SART3: variants seen among roughly 807,000 people sequenced by gnomAD.
SART3 encodes HIV-1 Tat-interacting protein of 110kDa.
A neutral mutation model predicts 122.3 loss-of-function variants in SART3; 44 were observed. The observed-to-expected ratio is 0.36, with a 90% CI of 0.28 to 0.46. The LOEUF (loss-of-function observed/expected upper bound fraction) is 0.46. Ranked by LOEUF, SART3 falls within the 20% of genes least tolerant of loss-of-function variation. SART3 has a pLI of 1.00. For synonymous variants in SART3, 442 were observed against 454.0 expected, an observed-to-expected ratio of 0.97 and a Z score of 0.34; for missense variants, 1,101 against 1,229.0, an observed-to-expected ratio of 0.90 and a Z score of 1.56.
At chr12:108,537,984 T>C in intron 8 of SART3, 81 bp downstream of exon 8, 3 of 1,573,246 alleles carry the variant, frequency 1.9e-6, no homozygotes, top group Non-Finnish European at 2.6e-6. Context: ...CAGGGAACAC[T>C]GATGTAATGA....
At chr12:108,524,770 G>T (rs1164165157) in intron 17 of SART3, 2 of 545,666 alleles carry the variant, frequency 3.7e-6, no homozygotes, top group African/African-American at 3.8e-5. Context: ...TGCTGCAGAA[G>T]TAGAAAGAAA....
chr12:108,537,094 CATG>C, intron 9 of SART3: 1 of 458,430 alleles, frequency 2.2e-6, no homozygotes. Flanking sequence ...TGACAGCTGA[CATG>C]AGTGTGCAAG....
intron 15 of SART3, among the ~76,000 whole-genome samples, chr12:108,529,219 G>T (rs1872535045): frequency 6.6e-6 from 1 of 152,218 alleles, no homozygotes; most frequent in African/African-American, 2.4e-5. Context: ...GGAGGTATTG[G>T]TGTGAAATCA....
intron 3 of SART3, among the ~76,000 whole-genome samples, chr12:108,545,977 AAAAAAAAC>A (rs1873396443): frequency 6.6e-6 from 1 of 151,678 alleles, no homozygotes; most frequent in Non-Finnish European, 1.5e-5. Flanking sequence ...CAAAAAAAAA[AAAAAAAAC>A]ACACATATAA....
At position 108,535,468 on chromosome 12, in the gene SART3, C is replaced by A. The variant is rs1872864193; in HGVS notation, c.1447G>T (p.Ala483Ser). 1 of 1,613,546 alleles carries A rather than the reference C, an allele frequency of 6.2e-7. No individual in the cohort carries two copies. Residue 483 changes from alanine (A) to serine (S), a missense_variant and splice_region_variant, in exon 12 of 19, where the codon GCT (alanine) becomes TCT (serine). Ala to Ser is a moderately conservative substitution (Grantham distance 99). Transcript: ENST00000546815. ...TTCTGCATGTTATTGCACAGTCGAG[C>A]CTAAAGTGCATCAGCAGGCTGTTAG... ...VIMQNWARIE[A>S]RLCNNMQKAR...
At chr12:108,535,034 T>C (rs149160292) in intron 12 of SART3, among the ~76,000 whole-genome samples, 43 of 152,354 alleles carry the variant, frequency 2.8e-4, no homozygotes, top group African/African-American at 9.6e-4. Context: ...TTTTTTTCTC[T>C]TAGCTTTTTA....
rs767357985 is a variant in SART3 at position 108,537,588 on chromosome 12, G to A, written c.1209C>T (p.Phe403=). The A allele has an allele frequency of 1.5e-5, 24 of 1,613,682 alleles. No homozygotes were observed. The highest frequency in any genetic ancestry group is 4.0e-5 in the African/African-American group (3 of 74,896). Residue 403 remains phenylalanine, a synonymous_variant, in exon 9 of 19, where the codon TTC becomes TTT. Transcript: ENST00000546815. ...GVDHQVISVT[F]EKALNAGFIQ... ...TGAAGCCGGCATTCAAAGCTTTCTC[G>A]AAGGTTACTGGAGTTGGAGAAAAGT...
At position 108,526,394 on chromosome 12, in the gene SART3, A is replaced by G. The variant is rs747365670; in HGVS notation, c.2075T>C (p.Met692Thr). ...GCTGCTGTCGTGCAGCACCTTGGGC[A>G]TGTCCCTCTTCAGGGAGGCTGCCTT... Reference protein sequence around the residue: ...KEKAASLKRDMPKVLHDSSKD... With the variant: ...KEKAASLKRDTPKVLHDSSKD... Residue 692 changes from methionine to threonine, a missense_variant, in exon 16 of 19, where the codon ATG (methionine) becomes ACG (threonine). Coordinates refer to ENST00000546815, the MANE Select transcript of SART3 (RefSeq NM_014706.4). 3 of 1,613,956 alleles carry G rather than the reference A, an allele frequency of 1.9e-6. No homozygotes were observed. Among genetic ancestry groups the G allele is most frequent in the Admixed American group, 1.7e-5 (1 of 59,994 alleles).
At position 108,547,920 on chromosome 12, in the gene SART3, C is replaced by A. The variant is rs777283260; in HGVS notation, c.511G>T (p.Asp171Tyr). 1.2e-6 allele frequency: 2 copies of A among 1,613,614 alleles called. No homozygotes were observed. The highest frequency in any genetic ancestry group is 2.2e-5 in the South Asian group (2 of 91,070). Residue 171 changes from aspartate (D) to tyrosine (Y), a missense_variant, in exon 3 of 19, where the codon GAC becomes TAC. Physicochemically the swap from Asp to Tyr is radical, Grantham distance 160 (BLOSUM62 -3). This residue lies in a region of SART3 where 885 missense variants were observed against 1,080.1 expected (regional missense o/e 0.82). Transcript: ENST00000546815. ...TCCTTCACGGCTTTCTCAAAGAGGT[C>A]ATACACGTGCTCTCTGTCCAGGCCA... ...QDGLDREHVY[D>Y]LFEKAVKDYI...
intron 1 of SART3, among the ~76,000 whole-genome samples, chr12:108,556,463 C>T (rs1338762602): frequency 6.6e-6 from 1 of 152,150 alleles, no homozygotes; most frequent in Non-Finnish European, 1.5e-5. Context: ...AGATAATAAT[C>T]AATTACAGAT....
chr12:108,525,661 C>G (rs1437769025), intron 16 of SART3, 52 bp from the exon 17 acceptor site: 1 of 1,572,326 alleles, frequency 6.4e-7, no homozygotes, highest in South Asian at 1.1e-5. Context: ...CATGACCCAG[C>G]TCACCTGACT....
rs1307592320 is a variant in SART3, at chr12:108,536,519, T to C, written c.1441A>G (p.Ile481Val). ...GATGTGTCAAAAACATTTACCTCAA[T>C]CCTAGCCCAGTTCTGCATAATCACG... is the stretch of plus-strand genomic sequence containing the variant. Reference protein sequence around the residue: ...SCVIMQNWARIEARLCNNMQK... With the variant: ...SCVIMQNWARVEARLCNNMQK... The change falls in exon 11 of 19, where the codon ATT becomes GTT. Residue 481 changes from isoleucine (I) to valine (V), a missense_variant. By Grantham distance (29) the Ile-to-Val change is conservative. This residue lies in a region of SART3 where 885 missense variants were observed against 1,080.1 expected (regional missense o/e 0.82). Transcript: ENST00000546815. 5.6e-6 allele frequency: 9 copies of C among 1,614,110 alleles called. No homozygotes were observed. The highest frequency in any genetic ancestry group is 6.8e-6 in the Non-Finnish European group (8 of 1,179,984).
At chr12:108,544,040 G>A (rs1873290488) in intron 5 of SART3, among the ~76,000 whole-genome samples, 1 of 152,204 alleles carries the variant, frequency 6.6e-6, no homozygotes, top group Non-Finnish European at 1.5e-5. Flanking sequence ...CTGCTGTTAT[G>A]GAAGAGGTTA....
At chr12:108,544,312 G>T (rs1592768283) in intron 5 of SART3, 115 bp downstream of exon 5, 2 of 919,102 alleles carry the variant, frequency 2.2e-6, no homozygotes, top group East Asian at 4.8e-5. Flanking sequence ...AGGAGAGTAA[G>T]AACACCAGCT....
rs953857100 is a variant in SART3, at chr12:108,526,908, C to G, written c.1916-355G>C. Among the ~76,000 whole-genome samples the G allele has an allele frequency of 2.0e-5, 3 of 152,344 alleles. No individual in the cohort carries two copies. The East Asian group carries it at 5.8e-4, about 29-fold the overall frequency. On this transcript the variant is annotated intron_variant, in intron 15 of 18. Transcript: ENST00000546815. ...CCAGATCAGCAGGGTTGGGATAGGA[C>G]ATGAGAATCTGCACTGGAAAAGCAC...
intron 1 of SART3, among the ~76,000 whole-genome samples, chr12:108,558,982 G>A (rs1377682174): frequency 1.5e-5 from 2 of 137,324 alleles, no homozygotes; most frequent in Admixed American, 8.2e-5. Context: ...GCAGTGAGCC[G>A]AGATCGTGCC....
At chr12:108,547,168 T>C (rs1873464651) in intron 3 of SART3, among the ~76,000 whole-genome samples, 1 of 152,176 alleles carries the variant, frequency 6.6e-6, no homozygotes, top group African/African-American at 2.4e-5. Context: ...TCTGATGTGG[T>C]CCCCAATTCA....
intron 6 of SART3, among the ~76,000 whole-genome samples, chr12:108,542,459 G>C (rs1241556259): frequency 6.6e-6 from 1 of 152,156 alleles, no homozygotes; most frequent in Non-Finnish European, 1.5e-5. Context: ...AGAATGTTCA[G>C]AGTGGCGCTG....
chr12:108,537,439 G>C (rs754058937), intron 9 of SART3, 49 bp downstream of exon 9: 1 of 1,432,288 alleles, frequency 7.0e-7, no homozygotes, highest in Non-Finnish European at 9.8e-7. Flanking sequence ...GCCAAAAGTT[G>C]TATTAAGAAC....
Sources: allele counts gnomAD v4.1 joint callset (sites outside exome capture counted in the v4.1 genomes callset), GRCh38; gene constraint gnomAD v4.1.1; regional missense constraint gnomAD v4.1.1; transcripts MANE v1.5; gene names NCBI Gene and HGNC (gene_info 2026-07-23, HGNC 2026-07-21).